Variants in RBFOX3 observed in about 807,000 individuals in gnomAD.
The protein encoded by RBFOX3 is RNA binding fox-1 homolog 3.
A neutral mutation model predicts 48.7 loss-of-function variants in RBFOX3; 17 were observed. The observed-to-expected ratio is 0.35, with a 90% confidence interval of 0.24 to 0.52. The LOEUF (loss-of-function observed/expected upper bound fraction) is 0.52, where lower values mean the gene tolerates loss of function less well. Among genes scored for constraint, RBFOX3 ranks in the 20% least tolerant of loss-of-function variants. The pLI, the probability that RBFOX3 is intolerant of heterozygous loss-of-function variation, is 0.94. For synonymous variants in RBFOX3, 212 were observed against 209.5 expected, an observed-to-expected ratio of 1.01 and a Z score of -0.10; for missense variants, 382 against 497.5, an observed-to-expected ratio of 0.77 and a Z score of 2.21.
intron 3 of RBFOX3, among the ~76,000 whole-genome samples, chr17:79,277,535 C>T (rs1437034067): frequency 6.6e-6 from 1 of 152,224 alleles, no homozygotes; most frequent in Non-Finnish European, 1.5e-5. Context: ...ACCCGCAGCC[C>T]AATCTCTGCT....
At chr17:79,271,378 A>C (rs569131686) in intron 3 of RBFOX3, among the ~76,000 whole-genome samples, 55 of 152,294 alleles carry the variant, frequency 3.6e-4, no homozygotes, top group African/African-American at 1.3e-3. Flanking sequence ...GCCCGGCCTA[A>C]AAATTAGTAA....
chr17:79,457,417 G>A lies in RBFOX3; in HGVS notation c.-175+25037C>T, dbSNP rs141441872. Among the ~76,000 whole-genome samples the A allele has an allele frequency of 3.3e-5, 5 of 152,272 alleles. No individual in the cohort carries two copies. In the East Asian group the frequency reaches 5.8e-4, roughly 18 times the overall value. On this transcript the variant is annotated intron_variant, in intron 2 of 14. Coordinates refer to ENST00000693108, the MANE Select transcript of RBFOX3 (RefSeq NM_001350451.2). ...TGGGGGTACGGCCTTTCTAATCTCCGCAAATGTCATCGACTTCCAGAGATC... is the reference window on the plus strand; with the variant it reads ...TGGGGGTACGGCCTTTCTAATCTCCACAAATGTCATCGACTTCCAGAGATC...
intron 1 of RBFOX3, among the ~76,000 whole-genome samples, chr17:79,541,549 A>T (rs1555790334): frequency 1.3e-5 from 2 of 152,324 alleles, no homozygotes; most frequent in East Asian, 3.9e-4. Flanking sequence ...CACTCCAGGG[A>T]CCTAAAGCCA....
intron 4 of RBFOX3, among the ~76,000 whole-genome samples, chr17:79,213,058 T>A (rs2058585206): frequency 6.6e-6 from 1 of 151,864 alleles, no homozygotes; most frequent in Admixed American, 6.6e-5. Context: ...GGTTTCACTA[T>A]GTTGGCCAGG....
chr17:79,618,928 TG>T, the RBFOX3 span, among the ~76,000 whole-genome samples: 30 of 152,230 alleles, frequency 2.0e-4, no homozygotes, highest in African/African-American at 7.2e-4. Context: ...GAAATGGAAC[TG>T]GGAGATCACA....
chr17:79,293,450 TC>T (rs1465025184), intron 3 of RBFOX3, among the ~76,000 whole-genome samples: 1 of 88,898 alleles, frequency 1.1e-5, no homozygotes, highest in Non-Finnish European at 2.2e-5. Flanking sequence ...CTTCCTTCCT[TC>T]CTTCCTTCCT....
intron 2 of RBFOX3, among the ~76,000 whole-genome samples, chr17:79,308,075 G>A (rs547416773): frequency 3.3e-5 from 5 of 152,328 alleles, no homozygotes; most frequent in South Asian, 4.1e-4. Context: ...TTGTAGGTGA[G>A]ACTCACGGTA....
At chr17:79,093,791 C>CCACACACACACACACACACA (rs60453390) in intron 14 of RBFOX3, among the ~76,000 whole-genome samples, 9 of 143,934 alleles carry the variant, frequency 6.3e-5, no homozygotes, top group East Asian at 2.1e-4. Context: ...CAACAGCTGG[C>CCACACACACACACACACACA]CACACACACA....
chr17:79,550,378 G>T (rs1423131069), intron 1 of RBFOX3, among the ~76,000 whole-genome samples: 2 of 152,116 alleles, frequency 1.3e-5, no homozygotes, highest in Non-Finnish European at 2.9e-5. Flanking sequence ...GGCTAAACTG[G>T]TACAGTAAAA....
intron 3 of RBFOX3, among the ~76,000 whole-genome samples, chr17:79,236,483 G>A (rs1371026571): frequency 6.6e-6 from 1 of 152,080 alleles, no homozygotes; most frequent in African/African-American, 2.4e-5. Context: ...AGAGACGGGG[G>A]TCTCGCCATG....
intron 1 of RBFOX3, among the ~76,000 whole-genome samples, chr17:79,587,309 G>C (rs2093280822): frequency 6.6e-6 from 1 of 152,172 alleles, no homozygotes; most frequent in African/African-American, 2.4e-5. Flanking sequence ...GGCAGCAGTG[G>C]TGCCCACATT....
At chr17:79,664,179 CTT>C in the RBFOX3 span, among the ~76,000 whole-genome samples, 101 of 145,586 alleles carry the variant, frequency 6.9e-4, no homozygotes, top group South Asian at 8.8e-4. Flanking sequence ...CCATTCTTAC[CTT>C]TTTTTTTTTT....
chr17:79,466,644 C>G (rs2076349186), intron 2 of RBFOX3, among the ~76,000 whole-genome samples: 1 of 152,178 alleles, frequency 6.6e-6, no homozygotes, highest in African/African-American at 2.4e-5. Flanking sequence ...AAACATTGGC[C>G]TATTATATAA....
chr17:79,568,853 G>A (rs2092562174), intron 1 of RBFOX3, among the ~76,000 whole-genome samples: 2 of 152,108 alleles, frequency 1.3e-5, no homozygotes, highest in African/African-American at 2.4e-5. Flanking sequence ...CCCAGGACCT[G>A]CTCCGTGGAA....
chr17:79,570,624 C>T (rs2092641104), intron 1 of RBFOX3, among the ~76,000 whole-genome samples: 2 of 152,322 alleles, frequency 1.3e-5, no homozygotes, highest in South Asian at 4.1e-4. Flanking sequence ...TGTTGGCTGC[C>T]ACTAGCTCTC....
rs1310519741 is a variant in RBFOX3 at position 79,089,411 on chromosome 17, C to G, written c.*1472G>C. 1 of 152,572 alleles carries G rather than the reference C, an allele frequency of 6.6e-6. No individual in the cohort carries two copies. The highest frequency in any genetic ancestry group is 1.9e-4 in the East Asian group (1 of 5,186). The allele number at this position is 152,572 out of a possible 1,614,324, so 9.5% of individuals were successfully genotyped here. On this transcript the variant is annotated 3_prime_UTR_variant, in exon 15 of 15. Transcript: ENST00000693108. ...ATACTGTTAGTTTGAATGGTCACAC[C>G]TTGGAAGCATACAGAATGGTAAGAA...
In RBFOX3 at chr17:79,090,572, G is replaced by T; in HGVS notation, c.*311C>A. Reference sequence around the variant, plus strand: ...ACAGAGCCCCCCACGGGTCCCACAAGGGAGGCCCCTTCCCCTCCAACTCCC... The same window carrying T: ...ACAGAGCCCCCCACGGGTCCCACAATGGAGGCCCCTTCCCCTCCAACTCCC... On this transcript the variant is annotated 3_prime_UTR_variant, in exon 15 of 15. Transcript: ENST00000693108. The T allele has an allele frequency of 4.9e-6, 2 of 407,268 alleles. No individual in the cohort carries two copies. Among genetic ancestry groups the T allele is most frequent in the Non-Finnish European group, 8.8e-6 (2 of 227,908 alleles). The allele number at this position is 407,268 out of a possible 1,614,324, so 25.2% of individuals were successfully genotyped here. A position where few individuals can be genotyped will look rare whatever the true frequency, so the allele number is the denominator to read the frequency against.
intron 1 of RBFOX3, among the ~76,000 whole-genome samples, chr17:79,593,312 G>A (rs958026250): frequency 1.7e-4 from 24 of 140,618 alleles, no homozygotes; most frequent in Admixed American, 1.7e-3. Flanking sequence ...ATGTGTGCAC[G>A]CCTGTACATG....
At chr17:79,422,146 G>T (rs79778253) in intron 2 of RBFOX3, among the ~76,000 whole-genome samples, 1 of 152,090 alleles carries the variant, frequency 6.6e-6, no homozygotes, top group African/African-American at 2.4e-5. Flanking sequence ...GTCCTGAGAA[G>T]GCCCTCTGAT....
Sources: allele counts gnomAD v4.1 joint callset (sites outside exome capture counted in the v4.1 genomes callset), GRCh38; gene constraint gnomAD v4.1.1; transcripts MANE v1.5; gene names NCBI Gene and HGNC (gene_info 2026-07-23, HGNC 2026-07-21).